TPP2: variants seen among roughly 807,000 people sequenced by gnomAD.
The protein encoded by TPP2 is tripeptidyl-peptidase 2.
In TPP2, 34 loss-of-function variants were observed where a neutral mutation model predicts 155.9. The ratio of observed to expected loss-of-function variants is 0.22; its 90% CI spans 0.17 to 0.29. The LOEUF is 0.29. Among genes scored for constraint, TPP2 ranks in the 10% least tolerant of loss-of-function variants. The probability of loss-of-function intolerance (pLI) is 1.00; values close to 1 mark genes in which losing one functional copy is unlikely to be tolerated. For synonymous variants in TPP2, 510 were observed against 529.4 expected, an observed-to-expected ratio of 0.96 and a Z score of 0.50; for missense variants, 1,028 against 1,522.3, an observed-to-expected ratio of 0.68 and a Z score of 5.40.
At chr13:102,656,584 A>G (rs1253748603) in intron 24 of TPP2, among the ~76,000 whole-genome samples, 1 of 152,128 alleles carries the variant, frequency 6.6e-6, no homozygotes, top group Non-Finnish European at 1.5e-5. Context: ...CTATTCTAGC[A>G]TTACCTGGCA....
Position 102,663,736 on chromosome 13 carries a change from G to A in TPP2, c.3232G>A (p.Ala1078Thr), listed in dbSNP as rs1884407587. 6.3e-7 allele frequency: 1 copy of A among 1,598,170 alleles called. No homozygotes were observed. Residue 1078 changes from alanine (A) to threonine (T), a missense_variant, in exon 26 of 30, where the codon GCT becomes ACT. Transcript: ENST00000376052. The part of the protein sequence containing the change: ...LYVARLHQLD[A>T]EKERMKRLNE... ...CGTTGCACGACTTCATCAATTGGAT[G>A]CTGAAAAGGTTAGACATGTTCATTC...
chr13:102,628,951 A>G (rs546583728), intron 8 of TPP2, among the ~76,000 whole-genome samples: 1 of 151,912 alleles, frequency 6.6e-6, no homozygotes, highest in African/African-American at 2.4e-5. Context: ...TGTTAACTTC[A>G]TTTTCTTCTT....
intron 2 of TPP2, among the ~76,000 whole-genome samples, chr13:102,612,617 G>C (rs1566322617): frequency 6.6e-6 from 1 of 152,168 alleles, no homozygotes; most frequent in Non-Finnish European, 1.5e-5. Flanking sequence ...AGTTAGATCA[G>C]ATAGCCCAGA....
chr13:102,644,628 C>T lies in TPP2; in HGVS notation c.2247C>T (p.Thr749=). 6.2e-7 allele frequency: 1 copy of T among 1,612,502 alleles called. No individual in the cohort carries two copies. Among genetic ancestry groups the T allele is most frequent in the African/African-American group, 1.3e-5 (1 of 74,938 alleles). The change falls in exon 18 of 30, where the codon ACC becomes ACT. Residue 749 remains threonine, a synonymous_variant. Transcript: ENST00000376052. ...ASLSDVNIDY[T]ISFHGIVCTA... ...TCAGTGATGTCAACATTGATTATAC[C>T]ATTTCTTTCCATGGGATAGTGTGTA... is the stretch of plus-strand genomic sequence containing the variant.
intron 28 of TPP2, 115 bp from the exon 29 acceptor site, chr13:102,676,181 A>G: frequency 2.0e-6 from 2 of 998,056 alleles, no homozygotes; most frequent in Non-Finnish European, 2.8e-6. Flanking sequence ...TACTCTATGT[A>G]CCATATTCAT....
In TPP2 at chr13:102,640,182, T is replaced by G. The variant is rs982943512; in HGVS notation, c.1914-88T>G. 11 of 984,382 alleles carry G rather than the reference T, an allele frequency of 1.1e-5. No homozygotes were observed. In the African/African-American group the frequency reaches 1.9e-4, roughly 17 times the overall value. The allele number at this position is 984,382 out of a possible 1,614,324, so 61.0% of individuals were successfully genotyped here. ...AGTCCCTGTGTTTATTTCCAATGAA[T>G]TGTTATTTTGCGTTTATCCAATGAA... On this transcript the variant is annotated intron_variant, in intron 15 of 29. Coordinates refer to ENST00000376052, the MANE Select transcript of TPP2 (RefSeq NM_001330588.2).
intron 23 of TPP2, among the ~76,000 whole-genome samples, chr13:102,651,136 A>G (rs1379224518): frequency 6.6e-6 from 1 of 152,230 alleles, no homozygotes; most frequent in Non-Finnish European, 1.5e-5. Flanking sequence ...AGAAGTTGAC[A>G]TGTACTCTTA....
At chr13:102,630,054 C>G (rs373805741) in intron 9 of TPP2, 42 bp from the exon 10 acceptor site, 1 of 1,544,406 alleles carries the variant, frequency 6.5e-7, no homozygotes, top group African/African-American at 1.4e-5. Flanking sequence ...AATCAGGATC[C>G]CCGTTTGTTT....
Position 102,647,695 on chromosome 13 carries a change from A to G in TPP2, c.2628+351A>G, listed in dbSNP as rs1187672839. Among the ~76,000 whole-genome samples, 6 of 152,174 alleles carry G rather than the reference A, an allele frequency of 3.9e-5. No individual in the cohort carries two copies. The East Asian group carries it at 1.2e-3, about 29-fold the overall frequency. On this transcript the variant is annotated intron_variant, in intron 21 of 29. Coordinates refer to ENST00000376052, the MANE Select transcript of TPP2 (RefSeq NM_001330588.2). ...GCATCAAAGAGATGCGAGCCTCTTG[A>G]AATGATCCTAAGTCTGAGGGGGCTA... is the stretch of plus-strand genomic sequence containing the variant.
At position 102,643,128 on chromosome 13, in the gene TPP2, G is replaced by A. The variant is rs1882878347; in HGVS notation, c.2021-94G>A. The A allele has an allele frequency of 4.2e-6, 5 of 1,180,228 alleles. No homozygotes were observed. The Admixed American group carries it at 1.9e-4, about 44-fold the overall frequency. 73.1% of individuals were successfully genotyped at this position (1,180,228 alleles called of 1,614,324 possible). On this transcript the variant is annotated intron_variant, in intron 16 of 29. Transcript: ENST00000376052. The stretch of plus-strand genomic sequence containing the variant: ...TTTGATCCCTATTATGTCCCTACAT[G>A]GGAATTATCCCTAAGTGGGCATTAT...
chr13:102,674,796 G>T (rs1204108386), intron 28 of TPP2, among the ~76,000 whole-genome samples: 2 of 152,206 alleles, frequency 1.3e-5, no homozygotes, highest in African/African-American at 4.8e-5. Flanking sequence ...TCTAGAAAAT[G>T]CCTTCAGGCC....
At chr13:102,645,118 G>T (rs1397715768) in intron 19 of TPP2, 109 bp downstream of exon 19, 1 of 1,028,962 alleles carries the variant, frequency 9.7e-7, no homozygotes, top group East Asian at 2.5e-5. Flanking sequence ...CATGCTAGAG[G>T]TGAGAATTTT....
intron 25 of TPP2, 37 bp from the exon 26 acceptor site, chr13:102,663,610 GA>G (rs1365460675): frequency 4.8e-6 from 7 of 1,446,808 alleles, no homozygotes; most frequent in Non-Finnish European, 4.7e-6. Flanking sequence ...CTTTTTAAAA[GA>G]AAAAAGTAAA....
chr13:102,635,507 A>G (rs1595170172), intron 11 of TPP2, 80 bp from the exon 12 acceptor site: 2 of 946,242 alleles, frequency 2.1e-6, no homozygotes, highest in East Asian at 5.0e-5. Flanking sequence ...GAGGGTCTAC[A>G]GGTGATCGAT....
At chr13:102,619,464 A>G (rs1238104910) in intron 5 of TPP2, among the ~76,000 whole-genome samples, 1 of 151,778 alleles carries the variant, frequency 6.6e-6, no homozygotes, top group Admixed American at 6.6e-5. Flanking sequence ...AACAGGGACT[A>G]TTTCTTAAAC....
chr13:102,617,681 A>G (rs1880849670), intron 4 of TPP2, among the ~76,000 whole-genome samples: 1 of 152,244 alleles, frequency 6.6e-6, no homozygotes, highest in Admixed American at 6.5e-5. Flanking sequence ...TAATACTCAC[A>G]CCACACTATT....
At chr13:102,638,203 T>G (rs1595173500) in intron 14 of TPP2, 36 bp from the exon 15 acceptor site, 1 of 1,581,454 alleles carries the variant, frequency 6.3e-7, no homozygotes, top group Non-Finnish European at 8.7e-7. Context: ...AAACATTTGT[T>G]TATGGATATT....
At chr13:102,636,188 C>T (rs751490841) in intron 12 of TPP2, 36 bp from the exon 13 acceptor site, 2 of 1,527,044 alleles carry the variant, frequency 1.3e-6, no homozygotes, top group Non-Finnish European at 1.8e-6. Context: ...TTTGACCCAA[C>T]CATTTATATC....
In TPP2 at chr13:102,667,809, C is replaced by T. The variant is rs1023275980; in HGVS notation, c.3371+2884C>T. On this transcript the variant is annotated intron_variant, in intron 27 of 29. Coordinates refer to ENST00000376052, the MANE Select transcript of TPP2 (RefSeq NM_001330588.2). ...CAGCCCTTCTCTGGGCAGCCAGGAT[C>T]CATCAGGCAGCATTTGCCGAGTCTG... is the stretch of plus-strand genomic sequence containing the variant. The T allele has an allele frequency of 7.1e-6, 7 of 985,446 alleles. No individual in the cohort carries two copies. The African/African-American group carries it at 1.2e-4, about 17-fold the overall frequency. 61.0% of individuals were successfully genotyped at this position (985,446 alleles called of 1,614,324 possible).
Sources: allele counts gnomAD v4.1 joint callset (sites outside exome capture counted in the v4.1 genomes callset), GRCh38; gene constraint gnomAD v4.1.1; transcripts MANE v1.5; gene names NCBI Gene and HGNC (gene_info 2026-07-23, HGNC 2026-07-21).